The following PLCD1 variants were observed in gnomAD, a reference collection of about 807,000 sequenced individuals.
PLCD1 encodes phospholipase C delta 1, also known as 1-phosphatidylinositol 4,5-bisphosphate phosphodiesterase delta-1.
In PLCD1, 71 loss-of-function variants were observed where a neutral mutation model predicts 87.4. That is an observed-to-expected ratio of 0.81 (90% confidence interval 0.67 to 0.99). The LOEUF is 0.99. Among genes scored for constraint, PLCD1 ranks in the 50% least tolerant of loss-of-function variants. The probability of loss-of-function intolerance (pLI) is 0.00; values close to 1 mark genes in which losing one functional copy is unlikely to be tolerated. For missense variants in PLCD1, 867 were observed against 1,001.5 expected (o/e 0.87, Z 1.81); for synonymous variants, 348 against 399.2 (o/e 0.87, Z 1.53).
intron 1 of PLCD1, 125 bp downstream of exon 1, chr3:38,029,381 A>G (rs1700339440): frequency 1.2e-6 from 1 of 828,972 alleles, no homozygotes. Flanking sequence ...GAAGGGGCAG[A>G]GAGGCGGGCC....
intron 3 of PLCD1, among the ~76,000 whole-genome samples, chr3:38,013,298 C>T (rs934261247): frequency 2.6e-5 from 4 of 151,514 alleles, no homozygotes; most frequent in African/African-American, 9.7e-5. Context: ...CTGCAAGCTC[C>T]GCCTCCCGGG....
At chr3:38,008,758 C>T in intron 11 of PLCD1, 122 bp from the exon 12 acceptor site, 1 of 875,670 alleles carries the variant, frequency 1.1e-6, no homozygotes, top group Non-Finnish European at 1.9e-6. Flanking sequence ...AGCATCACTC[C>T]AATGCCTGCT....
Position 38,008,710 on chromosome 3 carries a change from A to C in PLCD1, c.1724-74T>G, listed in dbSNP as rs553139660. On this transcript the variant is annotated intron_variant, in intron 11 of 14. Transcript: ENST00000334661. ...CTAGAGCACAGCCTGCTCAGGGTAC[A>C]CTAAGGCCTAGGGTCACATGGTGAG... is the stretch of plus-strand genomic sequence containing the variant. 1.9e-4 allele frequency: 258 copies of C among 1,344,226 alleles called. 1 individual carries two copies. Among genetic ancestry groups the C allele is most frequent in the Middle Eastern group, 1.6e-3 (7 of 4,278 alleles). 83.3% of individuals were successfully genotyped at this position (1,344,226 alleles called of 1,614,324 possible).
chr3:38,011,069 C>G (rs1320213432), intron 5 of PLCD1, 145 bp downstream of exon 5: 1 of 632,658 alleles, frequency 1.6e-6, no homozygotes, highest in African/African-American at 1.8e-5. Flanking sequence ...TTCATAGGAC[C>G]AGAAAGTGTG....
intron 7 of PLCD1, 32 bp from the exon 8 acceptor site, chr3:38,010,085 G>T: frequency 6.2e-7 from 1 of 1,613,990 alleles, no homozygotes; most frequent in Non-Finnish European, 8.5e-7. Context: ...AGGAGTGGTG[G>T]GCCACCCCTA....
chr3:38,009,748 C>A lies in PLCD1; in HGVS notation c.1351G>T (p.Glu451Ter), dbSNP rs778453139. 1.9e-6 allele frequency: 3 copies of A among 1,613,916 alleles called. No individual in the cohort carries two copies. In the African/African-American group the frequency reaches 4.0e-5, roughly 22 times the overall value. Residue 451 changes from glutamate to a stop codon, truncating the protein, a stop_gained, in exon 9 of 15, where the codon GAG becomes TAG. Coordinates refer to ENST00000334661, the MANE Select transcript of PLCD1 (RefSeq NM_006225.4). LOFTEE classifies it high-confidence loss of function. ...KLGGLLPPGGEGGPEATVVSD... is the reference protein window; with the variant it reads ...KLGGLLPPGG ...ACCACAGTGGCCTCAGGGCCACCCTCCCCTCCAGGGGGCAGGAGCCCCCCG... is the reference window on the plus strand; with the variant it reads ...ACCACAGTGGCCTCAGGGCCACCCTACCCTCCAGGGGGCAGGAGCCCCCCG...
chr3:38,013,350 C>G (rs1700111191), intron 3 of PLCD1, among the ~76,000 whole-genome samples: 1 of 151,786 alleles, frequency 6.6e-6, no homozygotes, highest in South Asian at 2.1e-4. Flanking sequence ...GTAGCTGGGA[C>G]TACAGGCGCC....
At chr3:38,011,094 G>A in intron 5 of PLCD1, 120 bp downstream of exon 5, 1 of 725,210 alleles carries the variant, frequency 1.4e-6, no homozygotes, top group Non-Finnish European at 2.2e-6. Context: ...AGGGCCCCGG[G>A]GCTGGCTGAG....
At position 38,007,755 on chromosome 3, in the gene PLCD1, C is replaced by A. The variant is rs200085603; in HGVS notation, c.*18G>T. The A allele has an allele frequency of 9.0e-5, 144 of 1,600,322 alleles. 1 individual carries two copies. Among genetic ancestry groups the A allele is most frequent in the Middle Eastern group, 6.6e-4 (4 of 6,028 alleles). On this transcript the variant is annotated 3_prime_UTR_variant, in exon 15 of 15. Transcript: ENST00000334661. Reference sequence around the variant, plus strand: ...GGGCCCAGCCCACTCAGGGGGGACCCCACTGGCTTCCTCCAGCCTAGTCCT... The same window carrying A: ...GGGCCCAGCCCACTCAGGGGGGACCACACTGGCTTCCTCCAGCCTAGTCCT...
At position 38,010,038 on chromosome 3, in the gene PLCD1, C is replaced by G; in HGVS notation, c.1153G>C (p.Val385Leu). The change falls in exon 8 of 15, where the codon GTC becomes CTC. Residue 385 changes from valine to leucine, a missense_variant. By Grantham distance (32) the Val-to-Leu change is conservative. Transcript: ENST00000334661. ...CAGTGGTTCTCCAGGGATAGGATGACAGGGTAGGGGGACGCCTGGAGGCCC... is the reference window on the plus strand; with the variant it reads ...CAGTGGTTCTCCAGGGATAGGATGAGAGGGTAGGGGGACGCCTGGAGGCCC... Reference protein sequence around the residue: ...DYAFKASPYPVILSLENHCTL... With the variant: ...DYAFKASPYPLILSLENHCTL... The G allele has an allele frequency of 6.2e-7, 1 of 1,614,218 alleles. No homozygotes were observed. The highest frequency in any genetic ancestry group is 1.3e-5 in the African/African-American group (1 of 75,058).
At chr3:38,013,168 G>A (rs1159163776) in intron 3 of PLCD1, among the ~76,000 whole-genome samples, 3 of 151,140 alleles carry the variant, frequency 2.0e-5, no homozygotes, top group African/African-American at 4.9e-5. Flanking sequence ...AGGACTAGAG[G>A]TGTGAGCCGC....
chr3:38,010,574 G>T lies in PLCD1; in HGVS notation c.791-12C>A. 1 of 1,608,352 alleles carries T rather than the reference G, an allele frequency of 6.2e-7. No homozygotes were observed. On this transcript the variant is annotated splice_polypyrimidine_tract_variant and intron_variant, in intron 5 of 14. Coordinates refer to ENST00000334661, the MANE Select transcript of PLCD1 (RefSeq NM_006225.4). ...CCGCTGCGCCTTGGCTGGGAGGGAG[G>T]AGGCCACTGCCCGTCAGAGCCAGCC...
intron 3 of PLCD1, among the ~76,000 whole-genome samples, chr3:38,013,208 CTTTTTTTT>C (rs869279889): frequency 4.2e-5 from 5 of 118,504 alleles, no homozygotes; most frequent in Admixed American, 2.6e-4. Flanking sequence ...TTTTAATTTT[CTTTTTTTT>C]TTTTTTTTTT....
At position 38,009,920 on chromosome 3, in the gene PLCD1, C is replaced by T. The variant is rs773171067; in HGVS notation, c.1271G>A (p.Ser424Asn). Reference protein sequence around the residue: ...LNRPLDGVTNSLPSPEQLKGK... With the variant: ...LNRPLDGVTNNLPSPEQLKGK... ...ACCACACACCTCAGGGGAGGGCAGGCTGTTGGTGACCCCATCCAGTGGTCG... is the reference window on the plus strand; with the variant it reads ...ACCACACACCTCAGGGGAGGGCAGGTTGTTGGTGACCCCATCCAGTGGTCG... The change falls in exon 8 of 15, where the codon AGC becomes AAC. Residue 424 changes from serine to asparagine, a missense_variant. By Grantham distance (46) the Ser-to-Asn change is conservative. Transcript: ENST00000334661. 1.9e-6 allele frequency: 3 copies of T among 1,609,886 alleles called. No homozygotes were observed. In the Middle Eastern group the frequency reaches 5.0e-4, roughly 266 times the overall value.
chr3:38,024,618 G>A (rs894274805), intron 1 of PLCD1: 312 of 1,517,824 alleles, frequency 2.1e-4, no homozygotes, highest in Non-Finnish European at 2.6e-4. Context: ...GCGCACTTCG[G>A]AGGGGCGGGA....
At position 38,029,486 on chromosome 3, in the gene PLCD1, C is replaced by T. The variant is rs895112139; in HGVS notation, c.34+20G>A. The T allele has an allele frequency of 2.6e-6, 4 of 1,538,144 alleles. No individual in the cohort carries two copies. Among genetic ancestry groups the T allele is most frequent in the Admixed American group, 2.0e-5 (1 of 50,990 alleles). On this transcript the variant is annotated intron_variant, in intron 1 of 14. Transcript: ENST00000334661. ...GTCCACCCCTGCAGGGTCTCCCGCT[C>T]GCGCGGGCCAGGCACTCACCGTGCA...
Position 38,007,777 on chromosome 3 carries a change from T to G in PLCD1, c.2267A>C (p.Asp756Ala). The stretch of plus-strand genomic sequence containing the variant: ...ACCCCACTGGCTTCCTCCAGCCTAG[T>G]CCTGGAGGGAGATCTTCACAAAGAG... ...ATLFVKISLQD is the reference protein window; with the variant it reads ...ATLFVKISLQA Residue 756 changes from aspartate to alanine, a missense_variant, in exon 15 of 15, where the codon GAC (aspartate) becomes GCC (alanine). Physicochemically the swap from Asp to Ala is moderately radical, Grantham distance 126. Transcript: ENST00000334661. 1.2e-6 allele frequency: 2 copies of G among 1,611,644 alleles called. No homozygotes were observed. Among genetic ancestry groups the G allele is most frequent in the Non-Finnish European group, 8.5e-7 (1 of 1,177,896 alleles).
Position 38,016,739 on chromosome 3 carries a change from G to A in PLCD1, c.200-20C>T. ...TGGAGACTGCGAGAGGGGGATGGTGGAGGAGAGAGGGAGAGAATGCTGTGA... is the reference window on the plus strand; with the variant it reads ...TGGAGACTGCGAGAGGGGGATGGTGAAGGAGAGAGGGAGAGAATGCTGTGA... On this transcript the variant is annotated intron_variant, in intron 2 of 14. Coordinates refer to ENST00000334661, the MANE Select transcript of PLCD1 (RefSeq NM_006225.4). 6.7e-7 allele frequency: 1 copy of A among 1,496,134 alleles called. No individual in the cohort carries two copies. The highest frequency in any genetic ancestry group is 1.2e-5 in the South Asian group (1 of 83,016). The allele number at this position is 1,496,134 out of a possible 1,614,324, so 92.7% of individuals were successfully genotyped here.
chr3:38,029,457 A>G (rs1700340264), intron 1 of PLCD1, 49 bp downstream of exon 1: 2 of 1,505,974 alleles, frequency 1.3e-6, no homozygotes, highest in African/African-American at 2.8e-5. Context: ...ACAGCTTTCC[A>G]GGGGTCCACC....
Sources: gnomAD v4.1 joint callset for allele counts (sites outside exome capture counted in the v4.1 genomes callset) on GRCh38, gnomAD v4.1.1 for gene constraint, MANE v1.5 for transcripts, NCBI Gene and HGNC (gene_info 2026-07-23, HGNC 2026-07-21) for gene names.